ARMH3: variants seen among roughly 807,000 people sequenced by gnomAD.
ARMH3 encodes the protein armadillo like helical domain containing 3.
Under a neutral mutation model 99.1 loss-of-function variants are expected in ARMH3, and 60 were observed. The ratio of observed to expected loss-of-function variants is 0.61; its 90% confidence interval spans 0.49 to 0.75. The LOEUF (loss-of-function observed/expected upper bound fraction) is 0.75, where lower values mean the gene tolerates loss of function less well. Ranked by LOEUF, ARMH3 falls within the 30% of genes least tolerant of loss-of-function variation. ARMH3 has a pLI of 0.00. For missense variants in ARMH3, 679 were observed against 843.1 expected, an observed-to-expected ratio of 0.81 and a Z score of 2.41; for synonymous variants, 285 against 292.8, an observed-to-expected ratio of 0.97 and a Z score of 0.27.
At chr10:102,054,869 G>C (rs1290336693) in intron 1 of ARMH3, among the ~76,000 whole-genome samples, 1 of 151,770 alleles carries the variant, frequency 6.6e-6, no homozygotes, top group Non-Finnish European at 1.5e-5. Flanking sequence ...GGTAGCTCAC[G>C]TCTGTAATCC....
chr10:101,987,815 T>G (rs551642127), intron 19 of ARMH3, among the ~76,000 whole-genome samples: 1 of 152,276 alleles, frequency 6.6e-6, no homozygotes, highest in East Asian at 1.9e-4. Context: ...AAAGCAGATT[T>G]TTGAGCCCCA....
At chr10:101,935,012 A>C (rs768384396) in intron 23 of ARMH3, among the ~76,000 whole-genome samples, 4 of 151,870 alleles carry the variant, frequency 2.6e-5, no homozygotes, top group Non-Finnish European at 5.9e-5. Flanking sequence ...TTACTATTTA[A>C]TTACAATGTC....
chr10:102,030,404 C>T (rs1202100904), intron 4 of ARMH3, among the ~76,000 whole-genome samples: 1 of 152,054 alleles, frequency 6.6e-6, no homozygotes, highest in African/African-American at 2.4e-5. Flanking sequence ...GTGGAGTTTT[C>T]CTTTATTTAA....
chr10:101,883,039 C>T (rs1014951779), intron 24 of ARMH3, among the ~76,000 whole-genome samples: 15 of 152,166 alleles, frequency 9.9e-5, no homozygotes, highest in Non-Finnish European at 1.9e-4. Context: ...CAAGAAACTT[C>T]GTGGCAGACC....
chr10:101,914,252 G>T (rs756628593), intron 23 of ARMH3, among the ~76,000 whole-genome samples: 2 of 152,070 alleles, frequency 1.3e-5, no homozygotes, highest in Non-Finnish European at 2.9e-5. Context: ...ACTTTGGGAG[G>T]CCAAGGCAGG....
chr10:101,882,321 T>C (rs1428466756), intron 24 of ARMH3, among the ~76,000 whole-genome samples: 8 of 152,198 alleles, frequency 5.3e-5, no homozygotes, highest in Admixed American at 5.2e-4. Flanking sequence ...GAAAATCTTC[T>C]GTAAAGGTCT....
chr10:101,945,352 A>G lies in ARMH3; in HGVS notation c.1706-5414T>C, dbSNP rs540828677. ...ATCCCAACACTCTGGGAGGTCAAGG[A>G]GGGTAGATCACTTGAGTCCAGGAGT... On this transcript the variant is annotated intron_variant, in intron 22 of 25. Transcript: ENST00000370033. 1.1e-4 allele frequency among the ~76,000 whole-genome samples: 17 copies of G among 152,180 alleles called. No homozygotes were observed. The South Asian group carries it at 3.3e-3, about 30-fold the overall frequency.
chr10:101,898,855 T>C (rs762151862), intron 23 of ARMH3, among the ~76,000 whole-genome samples: 10 of 152,248 alleles, frequency 6.6e-5, no homozygotes, highest in South Asian at 2.1e-4. Context: ...TTAAGAGCTG[T>C]AGCCCTGTAT....
Position 102,033,963 on chromosome 10 carries a change from G to A in ARMH3, c.103-624C>T, listed in dbSNP as rs887767206. Reference sequence around the variant, plus strand: ...ATCACAACATGCCTCCCGTGCATTGGTACAGTGTTGTTTTCAAACCTATTC... The same window carrying A: ...ATCACAACATGCCTCCCGTGCATTGATACAGTGTTGTTTTCAAACCTATTC... On this transcript the variant is annotated intron_variant, in intron 2 of 25. Coordinates refer to ENST00000370033, the MANE Select transcript of ARMH3 (RefSeq NM_024541.3). Among the ~76,000 whole-genome samples the A allele has an allele frequency of 3.9e-5, 6 of 152,284 alleles. No individual in the cohort carries two copies. The East Asian group carries it at 1.2e-3, about 29-fold the overall frequency.
At chr10:102,042,165 T>C (rs1466164200) in intron 1 of ARMH3, among the ~76,000 whole-genome samples, 1 of 152,244 alleles carries the variant, frequency 6.6e-6, no homozygotes, top group Non-Finnish European at 1.5e-5. Flanking sequence ...AAGAGGAAGA[T>C]GTCTTTATCC....
At chr10:102,041,090 A>AATATATATATATATATATAATATATAT (rs2067405279) in intron 1 of ARMH3, among the ~76,000 whole-genome samples, 3 of 132,630 alleles carry the variant, frequency 2.3e-5, no homozygotes, top group African/African-American at 8.1e-5. Flanking sequence ...ATATATATAT[A>AATATATATATATATATATAATATATAT]ATATATATAT....
At chr10:102,008,816 C>G (rs1459863507) in intron 13 of ARMH3, among the ~76,000 whole-genome samples, 2 of 152,132 alleles carry the variant, frequency 1.3e-5, no homozygotes, top group Non-Finnish European at 2.9e-5. Context: ...CCGCCCACCT[C>G]AGCCTCCCAA....
At chr10:102,005,380 C>CAAAA (rs11344018) in intron 14 of ARMH3, among the ~76,000 whole-genome samples, 1 of 64,888 alleles carries the variant, frequency 1.5e-5, no homozygotes, top group Non-Finnish European at 3.0e-5. Flanking sequence ...GACTCTGTCT[C>CAAAA]AAAAAAAAAA....
intron 19 of ARMH3, among the ~76,000 whole-genome samples, chr10:101,985,076 TATACACACACACAC>T (rs1038793690): frequency 7.7e-6 from 1 of 129,068 alleles, no homozygotes; most frequent in Non-Finnish European, 1.6e-5. Flanking sequence ...TAAAAATATA[TATACACACACACAC>T]ACACACACAC....
chr10:101,985,214 GTATA>G (rs538671653), intron 19 of ARMH3, among the ~76,000 whole-genome samples: 5 of 144,474 alleles, frequency 3.5e-5, no homozygotes, highest in Non-Finnish European at 6.0e-5. Context: ...ACGTATATAT[GTATA>G]TATATACGTA....
At chr10:101,991,873 C>T (rs944866042) in intron 18 of ARMH3, 96 bp downstream of exon 18, 66 of 1,157,732 alleles carry the variant, frequency 5.7e-5, no homozygotes, top group Middle Eastern at 2.0e-4. Flanking sequence ...AATTTATTTG[C>T]GGAAGAAGCA....
intron 4 of ARMH3, 64 bp from the exon 5 acceptor site, chr10:102,029,809 G>A: frequency 2.1e-6 from 3 of 1,456,816 alleles, no homozygotes; most frequent in Non-Finnish European, 2.8e-6. Context: ...GACCCACATT[G>A]CAGCCTCATC....
At chr10:101,930,511 C>T (rs979151234) in intron 23 of ARMH3, among the ~76,000 whole-genome samples, 6 of 152,038 alleles carry the variant, frequency 3.9e-5, no homozygotes, top group African/African-American at 7.3e-5. Context: ...CTCAGGTATA[C>T]GTGTATTCAT....
intron 12 of ARMH3, 43 bp downstream of exon 12, chr10:102,009,932 CCA>C: frequency 6.4e-7 from 1 of 1,568,344 alleles, no homozygotes; most frequent in Non-Finnish European, 8.8e-7. Context: ...GCAGGACAGC[CCA>C]CACTAAAGTC....
Sources: gnomAD v4.1 joint callset for allele counts (sites outside exome capture counted in the v4.1 genomes callset) on GRCh38, gnomAD v4.1.1 for gene constraint, MANE v1.5 for transcripts, NCBI Gene and HGNC (gene_info 2026-07-23, HGNC 2026-07-21) for gene names.